The following BCL2L13 variants were observed in gnomAD, a reference collection of about 807,000 sequenced individuals.
BCL2L13 encodes the protein bcl-2-like protein 13.
Under a neutral mutation model 25.8 loss-of-function variants are expected in BCL2L13, and 13 were observed. The observed-to-expected ratio is 0.50, with a 90% CI of 0.33 to 0.80. The LOEUF (loss-of-function observed/expected upper bound fraction) is 0.80, where lower values mean the gene tolerates loss of function less well. BCL2L13 is among the 30% of genes least tolerant of loss of function. The pLI is 0.02. For missense variants in BCL2L13, 504 were observed against 574.9 expected, an observed-to-expected ratio of 0.88 and a Z score of 1.26; for synonymous variants, 244 against 230.3, an observed-to-expected ratio of 1.06 and a Z score of -0.54.
chr22:17,706,837 A>G (rs754007650), intron 6 of BCL2L13: 1 of 1,351,832 alleles, frequency 7.4e-7, no homozygotes, highest in Non-Finnish European at 9.8e-7. Context: ...TAAGGCTTGT[A>G]TTTTACTTTC....
At chr22:17,656,178 T>G (rs1457727450) in intron 2 of BCL2L13, among the ~76,000 whole-genome samples, 1 of 149,332 alleles carries the variant, frequency 6.7e-6, no homozygotes, top group Non-Finnish European at 1.5e-5. Context: ...AGGCAGAGGT[T>G]GCAGTGAGCT....
chr22:17,685,992 T>C (rs2059926089), intron 3 of BCL2L13, among the ~76,000 whole-genome samples: 2 of 151,522 alleles, frequency 1.3e-5, no homozygotes, highest in Non-Finnish European at 2.9e-5. Flanking sequence ...CAGGATGTTC[T>C]TGATCTCCTG....
chr22:17,657,078 C>G (rs950514801), intron 2 of BCL2L13, among the ~76,000 whole-genome samples: 5 of 152,204 alleles, frequency 3.3e-5, no homozygotes, highest in Non-Finnish European at 7.3e-5. Context: ...CTTGGCCTCT[C>G]AAAGTGCTGG....
intron 6 of BCL2L13, among the ~76,000 whole-genome samples, chr22:17,717,922 A>G (rs2060993050): frequency 6.6e-6 from 1 of 152,192 alleles, no homozygotes; most frequent in South Asian, 2.1e-4. Context: ...CACTGTCTCT[A>G]CAAAAAATGT....
intron 1 of BCL2L13, among the ~76,000 whole-genome samples, chr22:17,652,202 T>A (rs568493363): frequency 4.7e-4 from 71 of 151,838 alleles, no homozygotes; most frequent in South Asian, 1.7e-3. Flanking sequence ...AAGCAAAAAA[T>A]TTTTTTTAAA....
At chr22:17,683,708 CTG>C (rs750874358) in intron 3 of BCL2L13, among the ~76,000 whole-genome samples, 65 of 151,002 alleles carry the variant, frequency 4.3e-4, no homozygotes, top group Non-Finnish European at 6.8e-4. Context: ...CTATAGATAA[CTG>C]TAATTATAAT....
At chr22:17,711,740 G>C (rs2060768645) in intron 6 of BCL2L13, among the ~76,000 whole-genome samples, 1 of 152,120 alleles carries the variant, frequency 6.6e-6, no homozygotes, top group South Asian at 2.1e-4. Flanking sequence ...GCTATTAGAG[G>C]CTCTGTTTTT....
chr22:17,636,393 C>T (rs1433029372), upstream of BCL2L13, among the ~76,000 whole-genome samples: 1 of 151,238 alleles, frequency 6.6e-6, no homozygotes, highest in Admixed American at 6.6e-5. Flanking sequence ...ACTTGGGAGG[C>T]TGAGGTGGAA....
rs1388721797 is a variant in BCL2L13, at chr22:17,727,430, A to G, written c.1354A>G (p.Met452Val). The change falls in exon 7 of 7, where the codon ATG becomes GTG. Residue 452 changes from methionine (M) to valine (V), a missense_variant. By Grantham distance (21) the Met-to-Val change is conservative. Coordinates refer to ENST00000317582, the MANE Select transcript of BCL2L13 (RefSeq NM_015367.4). ...RLSPAGEMKPMPLSEGKSILL... is the reference protein window; with the variant it reads ...RLSPAGEMKPVPLSEGKSILL... The stretch of plus-strand genomic sequence containing the variant: ...GTCCCCCGCCGGTGAGATGAAGCCC[A>G]TGCCGCTGTCTGAGGGCAAGTCTAT... 16 of 1,614,054 alleles carry G rather than the reference A, an allele frequency of 9.9e-6. No individual in the cohort carries two copies. The highest frequency in any genetic ancestry group is 1.7e-5 in the Admixed American group (1 of 60,006).
chr22:17,714,791 G>A (rs985442350), intron 6 of BCL2L13, among the ~76,000 whole-genome samples: 57 of 151,982 alleles, frequency 3.8e-4, no homozygotes, highest in African/African-American at 1.2e-3. Context: ...GTTGGAAAAC[G>A]TATATTTCCT....
At chr22:17,662,257 T>C (rs1464977783) in intron 2 of BCL2L13, among the ~76,000 whole-genome samples, 1 of 152,114 alleles carries the variant, frequency 6.6e-6, no homozygotes, top group Non-Finnish European at 1.5e-5. Flanking sequence ...GGCGGGCGGA[T>C]CACGAGGTCA....
chr22:17,703,549 TAG>T (rs2060503325), intron 6 of BCL2L13: 1 of 152,218 alleles, frequency 6.6e-6, no homozygotes, highest in Non-Finnish European at 1.5e-5. Context: ...AGTGATTCTG[TAG>T]AGAGAGTACT....
At chr22:17,679,631 A>C (rs2059676539) in intron 2 of BCL2L13, among the ~76,000 whole-genome samples, 1 of 151,958 alleles carries the variant, frequency 6.6e-6, no homozygotes, top group African/African-American at 2.4e-5. Context: ...AAATCACCTG[A>C]AAGTAGAAGA....
chr22:17,654,659 C>T (rs1197624752), intron 1 of BCL2L13, among the ~76,000 whole-genome samples: 3 of 151,852 alleles, frequency 2.0e-5, no homozygotes, highest in Non-Finnish European at 4.4e-5. Flanking sequence ...CTCCTGACCT[C>T]GTGATCCGCC....
chr22:17,630,382 T>A (rs557790240), intron 1 of BCL2L13, among the ~76,000 whole-genome samples: 2 of 151,662 alleles, frequency 1.3e-5, no homozygotes, highest in African/African-American at 4.8e-5. Flanking sequence ...CGGGATCAAG[T>A]GATTCTCCTC....
Position 17,683,326 on chromosome 22 carries a change from GT to G in BCL2L13, c.229+8del. 1 of 1,469,912 alleles carries G rather than the reference GT, an allele frequency of 6.8e-7. No individual in the cohort carries two copies. The highest frequency in any genetic ancestry group is 9.3e-7 in the Non-Finnish European group (1 of 1,070,766). 91.1% of individuals were successfully genotyped at this position (1,469,912 alleles called of 1,614,324 possible). On this transcript the variant is annotated splice_donor_region_variant and intron_variant, in intron 3 of 6. Transcript: ENST00000317582. ...TGGACAAAGAAATTTCTGAAGGTCT[GT>G]TTATTCTTATTTTTCTAGTTAATAA... is the stretch of plus-strand genomic sequence containing the variant.
chr22:17,722,404 T>TGTGTGTGTGC (rs1569017605), intron 6 of BCL2L13, among the ~76,000 whole-genome samples: 14 of 151,534 alleles, frequency 9.2e-5, no homozygotes, highest in African/African-American at 3.4e-4. Flanking sequence ...TGTGTGTGTG[T>TGTGTGTGTGC]GTGTGTGTGT....
intron 6 of BCL2L13, among the ~76,000 whole-genome samples, chr22:17,712,326 T>G (rs2060786639): frequency 6.6e-6 from 1 of 152,234 alleles, no homozygotes; most frequent in Non-Finnish European, 1.5e-5. Flanking sequence ...ATCACTTTCC[T>G]GTTAGTGACA....
chr22:17,630,591 C>CT lies in BCL2L13; in HGVS notation c.-650+1603dup, dbSNP rs568905142. ...CTGCACCCGGCCTTCTTTTTCTTTT[C>CT]TTTTTTTTTTTTTTTTTGAGATGGA... On this transcript the variant is annotated intron_variant, in intron 1 of 6. Transcript: ENST00000399782. 9.8e-3 allele frequency among the ~76,000 whole-genome samples: 1,186 copies of CT among 120,544 alleles called. 15 individuals carry two copies. The highest frequency in any genetic ancestry group is 0.021 in the African/African-American group (661 of 31,272). 79.1% of individuals were successfully genotyped at this position (120,544 alleles called of 152,430 possible).
Sources: allele counts gnomAD v4.1 joint callset (sites outside exome capture counted in the v4.1 genomes callset), GRCh38; gene constraint gnomAD v4.1.1; transcripts MANE v1.5; gene names NCBI Gene and HGNC (gene_info 2026-07-23, HGNC 2026-07-21).